The following L3HYPDH variants were observed in gnomAD, a reference collection of about 807,000 sequenced individuals.
L3HYPDH encodes trans-L-3-hydroxyproline dehydratase.
L3HYPDH carries 32 observed loss-of-function variants against 26.5 expected under a neutral mutation model. That is an observed-to-expected ratio of 1.21 (90% CI 0.91 to 1.62). L3HYPDH has a LOEUF of 1.62. Ranked by LOEUF, L3HYPDH falls within the 40% of genes most tolerant of loss-of-function variation. The probability of loss-of-function intolerance (pLI) is 0.00; values close to 1 mark genes in which losing one functional copy is unlikely to be tolerated. For synonymous variants in L3HYPDH, 215 were observed against 196.6 expected (o/e 1.09, Z -0.78); for missense variants, 554 against 476.4 (o/e 1.16, Z -1.52).
At chr14:59,467,429 G>C (rs1181659602) in intron 1 of L3HYPDH, among the ~76,000 whole-genome samples, 1 of 152,168 alleles carries the variant, frequency 6.6e-6, no homozygotes, top group Non-Finnish European at 1.5e-5. Context: ...GCATAAGGGA[G>C]GGCCGTGAGC....
Position 59,472,766 on chromosome 14 carries a change from T to C in L3HYPDH, c.*199A>G, listed in dbSNP as rs1453046794. 7.2e-6 allele frequency: 3 copies of C among 417,562 alleles called. No homozygotes were observed. The allele number at this position is 417,562 out of a possible 1,614,324, so 25.9% of individuals were successfully genotyped here. A position where few individuals can be genotyped will look rare whatever the true frequency, so the allele number is the denominator to read the frequency against. ...TCTGAATTTCTGGCATTTTGTATGCTAGACATAAGTGATATTTATACAAAT... is the reference window on the plus strand; with the variant it reads ...TCTGAATTTCTGGCATTTTGTATGCCAGACATAAGTGATATTTATACAAAT... On this transcript the variant is annotated 3_prime_UTR_variant, in exon 5 of 5. Transcript: ENST00000247194.
upstream of L3HYPDH, chr14:59,486,707 A>G (rs1238979082): frequency 1.9e-6 from 3 of 1,568,006 alleles, no homozygotes; most frequent in East Asian, 4.6e-5. Context: ...ATTTGTTTTT[A>G]AAAAGCTGTC....
At chr14:59,465,882 G>A (rs1158970785) in intron 1 of L3HYPDH, among the ~76,000 whole-genome samples, 3 of 152,202 alleles carry the variant, frequency 2.0e-5, no homozygotes, top group African/African-American at 4.8e-5. Flanking sequence ...CTGAACCCCA[G>A]CGTTTCGAAT....
At chr14:59,481,519 C>CA (rs1307456514) in intron 1 of L3HYPDH, among the ~76,000 whole-genome samples, 1 of 152,160 alleles carries the variant, frequency 6.6e-6, no homozygotes, top group Non-Finnish European at 1.5e-5. Flanking sequence ...GAACACAATC[C>CA]AAAATCTAAG....
upstream of L3HYPDH, chr14:59,487,446 T>A: frequency 2.7e-6 from 1 of 372,810 alleles, no homozygotes; most frequent in South Asian, 7.5e-5. Context: ...GTTAGTCAAC[T>A]ATTTTAGTAA....
At chr14:59,481,359 A>C (rs1594916711) in intron 1 of L3HYPDH, among the ~76,000 whole-genome samples, 2 of 152,316 alleles carry the variant, frequency 1.3e-5, no homozygotes, top group African/African-American at 4.8e-5. Flanking sequence ...TAATTACTAC[A>C]GCCCTGAGAG....
At chr14:59,471,233 A>C (rs1889304400), downstream of L3HYPDH, among the ~76,000 whole-genome samples, 1 of 152,176 alleles carries the variant, frequency 6.6e-6, no homozygotes, top group African/African-American at 2.4e-5. Flanking sequence ...GACTTAGGTA[A>C]TAGCTATTGT....
chr14:59,504,113 T>C, the L3HYPDH span: 2 of 1,248,268 alleles, frequency 1.6e-6, no homozygotes, highest in Non-Finnish European at 2.3e-6. Context: ...GAAGTGCTCC[T>C]AATAAAAAAG....
At chr14:59,469,545 G>A (rs111774592), downstream of L3HYPDH, among the ~76,000 whole-genome samples, 12 of 115,516 alleles carry the variant, frequency 1.0e-4, no homozygotes, top group African/African-American at 4.0e-4. Flanking sequence ...GACAGAGTGA[G>A]ACTCCATCTC....
chr14:59,498,823 A>G, the L3HYPDH span: 2 of 1,612,568 alleles, frequency 1.2e-6, no homozygotes, highest in African/African-American at 2.7e-5. Context: ...GGTTAGGGAA[A>G]TCTGATCGAT....
upstream of L3HYPDH, among the ~76,000 whole-genome samples, chr14:59,488,721 A>G (rs972238424): frequency 2.6e-5 from 4 of 152,330 alleles, no homozygotes; most frequent in Admixed American, 1.3e-4. Context: ...AGTTCCTCCA[A>G]CTTCTCAGGA....
At chr14:59,494,818 A>G in the L3HYPDH span, among the ~76,000 whole-genome samples, 1 of 152,148 alleles carries the variant, frequency 6.6e-6, no homozygotes, top group African/African-American at 2.4e-5. Context: ...GGTAGATATA[A>G]TTTCTGCTTT....
At chr14:59,494,957 T>C in the L3HYPDH span, 3 of 1,188,554 alleles carry the variant, frequency 2.5e-6, no homozygotes, top group East Asian at 2.4e-5. Flanking sequence ...TGTACATGTT[T>C]TATTAAAGCC....
chr14:59,484,645 T>G, upstream of L3HYPDH: 1 of 1,564,022 alleles, frequency 6.4e-7, no homozygotes, highest in Non-Finnish European at 8.7e-7. Context: ...CCGACTACTT[T>G]CCTACACGGC....
the L3HYPDH span, among the ~76,000 whole-genome samples, chr14:59,501,923 T>G: frequency 6.6e-6 from 1 of 152,190 alleles, no homozygotes; most frequent in Non-Finnish European, 1.5e-5. Context: ...GCCAAAAAAG[T>G]ATCTTTTGAC....
At chr14:59,491,307 GT>G in the L3HYPDH span, among the ~76,000 whole-genome samples, 1 of 152,174 alleles carries the variant, frequency 6.6e-6, no homozygotes. Context: ...GCTGGTGGGG[GT>G]ATTTTTCCAG....
the L3HYPDH span, among the ~76,000 whole-genome samples, chr14:59,502,773 T>TGTTTTTGTTTTTTTTTTTTTTTTG: frequency 9.7e-6 from 1 of 102,836 alleles, no homozygotes; most frequent in African/African-American, 3.9e-5. Flanking sequence ...TTTTTTTTTT[T>TGTTTTTGTTTTTTTTTTTTTTTTG]CGGAGTCTCA....
chr14:59,497,259 G>T, the L3HYPDH span, among the ~76,000 whole-genome samples: 1 of 152,082 alleles, frequency 6.6e-6, no homozygotes, highest in Non-Finnish European at 1.5e-5. Context: ...AAAACTTTAA[G>T]AATGAGTTAT....
the L3HYPDH span, among the ~76,000 whole-genome samples, chr14:59,494,710 C>T: frequency 0.028 from 4,220 of 152,140 alleles, 192 homozygotes; most frequent in African/African-American, 0.096. Flanking sequence ...CTAACAAACA[C>T]GTTACATACC....
Sources: allele counts gnomAD v4.1 joint callset (sites outside exome capture counted in the v4.1 genomes callset), GRCh38; gene constraint gnomAD v4.1.1; transcripts MANE v1.5; gene names NCBI Gene and HGNC (gene_info 2026-07-23, HGNC 2026-07-21).